CLMP: variants seen among roughly 807,000 people sequenced by gnomAD.
CLMP encodes CXADR-like membrane protein.
In CLMP, 27 loss-of-function variants were observed where a neutral mutation model predicts 45.2. The ratio of observed to expected loss-of-function variants is 0.60; its 90% CI spans 0.44 to 0.82. CLMP has a LOEUF of 0.82. CLMP is among the 40% of genes least tolerant of loss of function. CLMP has a pLI of 0.00. For missense variants in CLMP, 403 were observed against 448.4 expected, an observed-to-expected ratio of 0.90 and a Z score of 0.91; for synonymous variants, 167 against 171.4, an observed-to-expected ratio of 0.97 and a Z score of 0.20.
At chr11:123,112,352 T>TC (rs1217028252) in intron 1 of CLMP, among the ~76,000 whole-genome samples, 1 of 151,558 alleles carries the variant, frequency 6.6e-6, no homozygotes, top group Non-Finnish European at 1.5e-5. Context: ...TTTTTTTTTT[T>TC]TTGAGACGGA....
chr11:123,092,835 T>C (rs1388220617), intron 2 of CLMP, among the ~76,000 whole-genome samples: 1 of 151,306 alleles, frequency 6.6e-6, no homozygotes, highest in East Asian at 1.9e-4. Flanking sequence ...CCTGACCTCG[T>C]GATCTGCCCA....
intron 5 of CLMP, 150 bp from the exon 6 acceptor site, chr11:123,074,993 T>G: frequency 1.1e-6 from 1 of 915,956 alleles, no homozygotes; most frequent in Non-Finnish European, 1.6e-6. Flanking sequence ...TTCACTCTTG[T>G]TGCCCAGGCT....
intron 1 of CLMP, among the ~76,000 whole-genome samples, chr11:123,105,819 T>TG (rs1347167962): frequency 6.9e-6 from 1 of 143,978 alleles, no homozygotes; most frequent in Non-Finnish European, 1.5e-5. Flanking sequence ...TTTGTTTGTT[T>TG]TTTGTTTTTT....
chr11:123,143,116 T>C (rs1288123018), intron 1 of CLMP, among the ~76,000 whole-genome samples: 2 of 152,178 alleles, frequency 1.3e-5, no homozygotes, highest in African/African-American at 4.8e-5. Context: ...GGGGACACTG[T>C]GGAGTTCTGG....
chr11:123,118,513 CAAAG>C (rs1860746991), intron 1 of CLMP, among the ~76,000 whole-genome samples: 1 of 152,180 alleles, frequency 6.6e-6, no homozygotes, highest in Admixed American at 6.5e-5. Flanking sequence ...TCATGCTTGA[CAAAG>C]AAAATATTGG....
intron 1 of CLMP, among the ~76,000 whole-genome samples, chr11:123,102,627 GT>G (rs1460049197): frequency 6.8e-5 from 10 of 147,974 alleles, no homozygotes; most frequent in African/African-American, 2.5e-4. Flanking sequence ...CCAGGCTGGA[GT>G]GCAGTGGCTC....
chr11:123,108,109 G>A (rs1423550395), intron 1 of CLMP, among the ~76,000 whole-genome samples: 2 of 152,032 alleles, frequency 1.3e-5, no homozygotes. Context: ...TGTCCTCTCC[G>A]ATCAGCTCCC....
chr11:123,087,193 C>T (rs538355571), intron 2 of CLMP, among the ~76,000 whole-genome samples: 10 of 151,900 alleles, frequency 6.6e-5, no homozygotes, highest in South Asian at 2.1e-4. Context: ...CAAAATTAGC[C>T]GGGCGTGATG....
chr11:123,184,505 G>C (rs76333875), intron 1 of CLMP, among the ~76,000 whole-genome samples: 2 of 152,182 alleles, frequency 1.3e-5, no homozygotes, highest in African/African-American at 4.8e-5. Context: ...TGATGAACAG[G>C]GTGAACCTGG....
rs115341728 is a variant in CLMP, at chr11:123,159,316, G to T, written c.28+35597C>A. Among the ~76,000 whole-genome samples, 1,040 of 152,340 alleles carry T rather than the reference G, an allele frequency of 6.8e-3. 11 individuals carry two copies. The highest frequency in any genetic ancestry group is 0.024 in the African/African-American group (1,009 of 41,588). On this transcript the variant is annotated intron_variant, in intron 1 of 6. Coordinates refer to ENST00000448775, the MANE Select transcript of CLMP (RefSeq NM_024769.5). ...AATTAGTCCACGTGGGAGCTTGCAG[G>T]CTACTAAGACGGAGCTGCGCTTGGC...
At chr11:123,083,348 C>T in intron 4 of CLMP, 141 bp from the exon 5 acceptor site, 1 of 922,102 alleles carries the variant, frequency 1.1e-6, no homozygotes, top group South Asian at 1.7e-5. Flanking sequence ...CCTTTGGGAA[C>T]ATGAGAAGAA....
chr11:123,153,898 C>G (rs1268746215), intron 1 of CLMP, among the ~76,000 whole-genome samples: 1 of 148,042 alleles, frequency 6.8e-6, no homozygotes, highest in East Asian at 2.0e-4. Context: ...GTTGGCCAGG[C>G]TGGTCTCGAA....
At chr11:123,126,775 T>G (rs1056075027) in intron 1 of CLMP, among the ~76,000 whole-genome samples, 1 of 151,916 alleles carries the variant, frequency 6.6e-6, no homozygotes, top group Non-Finnish European at 1.5e-5. Flanking sequence ...TGGGCGCCTG[T>G]AGTCCCAGCT....
chr11:123,102,416 G>A (rs1443866858), intron 1 of CLMP, among the ~76,000 whole-genome samples: 1 of 142,756 alleles, frequency 7.0e-6, no homozygotes, highest in African/African-American at 2.6e-5. Flanking sequence ...GAGTAGCTGG[G>A]ACTACAGGCA....
intron 1 of CLMP, among the ~76,000 whole-genome samples, chr11:123,110,619 G>T (rs1037005904): frequency 9.3e-5 from 14 of 150,588 alleles, no homozygotes; most frequent in Admixed American, 6.6e-5. Flanking sequence ...ACTTCTCAAA[G>T]AAAAAAAAAT....
intron 3 of CLMP, 54 bp downstream of exon 3, chr11:123,084,457 CT>C: frequency 6.9e-7 from 1 of 1,451,894 alleles, no homozygotes; most frequent in South Asian, 1.1e-5. Flanking sequence ...ATGGCTATCC[CT>C]CTTAGATACC....
chr11:123,079,681 G>A (rs938506727), intron 5 of CLMP, among the ~76,000 whole-genome samples: 2 of 152,018 alleles, frequency 1.3e-5, no homozygotes, highest in Non-Finnish European at 1.5e-5. Context: ...TCCTGACCTC[G>A]TGATCCGCCC....
chr11:123,194,931 G>A lies in CLMP; in HGVS notation c.10C>T (p.Leu4Phe). 2 of 1,613,118 alleles carry A rather than the reference G, an allele frequency of 1.2e-6. No individual in the cohort carries two copies. Among genetic ancestry groups the A allele is most frequent in the Non-Finnish European group, 1.7e-6 (2 of 1,179,528 alleles). The change falls in exon 1 of 7, where the codon CTC becomes TTC. Residue 4 changes from leucine to phenylalanine, a missense_variant. Coordinates refer to ENST00000448775, the MANE Select transcript of CLMP (RefSeq NM_024769.5). ...CACTCACCTAGCAAGAGGAGAAGGA[G>A]GAGGGACATCCCGATCCCCGGACGC... Reference protein sequence around the residue: MSLLLLLLLVSYYV... With the variant: MSLFLLLLLVSYYV...
intron 1 of CLMP, among the ~76,000 whole-genome samples, chr11:123,139,654 G>A (rs1303259784): frequency 1.3e-5 from 2 of 151,834 alleles, no homozygotes; most frequent in Admixed American, 1.3e-4. Flanking sequence ...GTGAAACCTC[G>A]TCTCTACTAA....
Sources: gnomAD v4.1 joint callset for allele counts (sites outside exome capture counted in the v4.1 genomes callset) on GRCh38, gnomAD v4.1.1 for gene constraint, MANE v1.5 for transcripts, NCBI Gene and HGNC (gene_info 2026-07-23, HGNC 2026-07-21) for gene names.